Variants in CREB1 observed in about 807,000 individuals in gnomAD.
CREB1 encodes cyclic AMP-responsive element-binding protein 1.
CREB1 carries 2 observed loss-of-function variants against 42.0 expected under a neutral mutation model. The ratio of observed to expected loss-of-function variants is 0.05; its 90% CI spans 0.02 to 0.15. CREB1 has a LOEUF of 0.15. CREB1 is among the 10% of genes least tolerant of loss of function. The probability of loss-of-function intolerance (pLI) is 1.00; values close to 1 mark genes in which losing one functional copy is unlikely to be tolerated. For missense variants in CREB1, 199 were observed against 388.9 expected (o/e 0.51, Z 4.11); for synonymous variants, 123 against 139.9 (o/e 0.88, Z 0.85).
intron 4 of CREB1, among the ~76,000 whole-genome samples, chr2:207,568,809 G>A (rs938335577): frequency 6.6e-6 from 1 of 151,926 alleles, no homozygotes; most frequent in Non-Finnish European, 1.5e-5. Flanking sequence ...TTCCATTTTA[G>A]AGTTTCTCCA....
intron 1 of CREB1, among the ~76,000 whole-genome samples, chr2:207,540,534 C>T (rs2081051783): frequency 6.6e-6 from 1 of 151,810 alleles, no homozygotes; most frequent in Admixed American, 6.6e-5. Context: ...ATCCCTGCTA[C>T]TCACGAGGCC....
intron 1 of CREB1, among the ~76,000 whole-genome samples, chr2:207,545,721 AG>A (rs1464856446): frequency 7.0e-6 from 1 of 143,318 alleles, no homozygotes; most frequent in Non-Finnish European, 1.5e-5. Flanking sequence ...TACAGATTAA[AG>A]GAAGTGAACT....
chr2:207,532,325 GA>G (rs1244936579), intron 1 of CREB1, among the ~76,000 whole-genome samples: 1,475 of 117,086 alleles, frequency 0.013, 9 homozygotes, highest in African/African-American at 0.016. Flanking sequence ...CCGTCTCAAA[GA>G]AAAAAAAAAA....
intron 7 of CREB1, among the ~76,000 whole-genome samples, chr2:207,587,148 CT>C (rs1287793839): frequency 6.6e-6 from 1 of 152,140 alleles, no homozygotes; most frequent in Non-Finnish European, 1.5e-5. Flanking sequence ...AATCCCAGCA[CT>C]TTGGGAGGCC....
intron 7 of CREB1, among the ~76,000 whole-genome samples, chr2:207,594,251 C>T (rs1455853738): frequency 2.0e-5 from 3 of 151,750 alleles, no homozygotes; most frequent in Non-Finnish European, 4.4e-5. Flanking sequence ...ACAAAATTGA[C>T]CATCTTAATG....
Position 207,597,420 on chromosome 2 carries a change from T to G in CREB1, c.*362T>G, listed in dbSNP as rs1429414565. 2 of 249,372 alleles carry G rather than the reference T, an allele frequency of 8.0e-6. No homozygotes were observed. Among genetic ancestry groups the G allele is most frequent in the Non-Finnish European group, 1.5e-5 (2 of 129,904 alleles). 15.4% of individuals were successfully genotyped at this position (249,372 alleles called of 1,614,324 possible). ...CAAGGTTTGTGCTGAGCTCCTTGAT[T>G]GCCTTAGGGACAGAATTACCCCAGC... On this transcript the variant is annotated 3_prime_UTR_variant, in exon 8 of 8. Coordinates refer to ENST00000353267, the MANE Select transcript of CREB1 (RefSeq NM_004379.5).
At chr2:207,582,928 T>TATAC (rs1346268387) in intron 7 of CREB1, 1 of 255,786 alleles carries the variant, frequency 3.9e-6, no homozygotes, top group Non-Finnish European at 7.8e-6. Context: ...AATATATATA[T>TATAC]ATACATACAC....
In CREB1 at chr2:207,604,675, C is replaced by T. The variant is rs188266883; in HGVS notation, c.*7617C>T. On this transcript the variant is annotated 3_prime_UTR_variant, in exon 8 of 8. Coordinates refer to ENST00000353267, the MANE Select transcript of CREB1 (RefSeq NM_004379.5). ...GTACATCCACAATGGTGTACAACCACCACTTCTATCTAGCTCCAAAACATT... is the reference window on the plus strand; with the variant it reads ...GTACATCCACAATGGTGTACAACCATCACTTCTATCTAGCTCCAAAACATT... Among the ~76,000 whole-genome samples the T allele has an allele frequency of 0.012, 1,882 of 152,292 alleles. 19 individuals are homozygous for T. The highest frequency in any genetic ancestry group is 0.019 in the Non-Finnish European group (1,305 of 68,022).
At chr2:207,575,572 C>T in intron 6 of CREB1, 118 bp downstream of exon 6, 3 of 848,288 alleles carry the variant, frequency 3.5e-6, no homozygotes, top group Non-Finnish European at 5.3e-6. Flanking sequence ...GTTAACATTT[C>T]TTCAATATTG....
chr2:207,596,634 T>C (rs2086225193), intron 7 of CREB1, among the ~76,000 whole-genome samples: 1 of 152,222 alleles, frequency 6.6e-6, no homozygotes, highest in African/African-American at 2.4e-5. Flanking sequence ...GGTTTCATCA[T>C]GTTGGCCAGG....
chr2:207,554,733 T>A (rs2081646525), intron 1 of CREB1, among the ~76,000 whole-genome samples: 1 of 152,170 alleles, frequency 6.6e-6, no homozygotes, highest in African/African-American at 2.4e-5. Context: ...TTACCCAGAA[T>A]TTTACAATTA....
rs191720781 is a variant in CREB1 at position 207,604,241 on chromosome 2, A to G, written c.*7183A>G. Among the ~76,000 whole-genome samples, 82 of 152,326 alleles carry G rather than the reference A, an allele frequency of 5.4e-4. No individual in the cohort carries two copies. The highest frequency in any genetic ancestry group is 1.9e-3 in the African/African-American group (79 of 41,572). ...TCCTTGAGAAGTCACATCCAAAGAT[A>G]AAATTCTGATCCATTTCTAGTTTTA... On this transcript the variant is annotated 3_prime_UTR_variant, in exon 8 of 8. Transcript: ENST00000353267.
In CREB1 at chr2:207,577,602, A is replaced by G. The variant is rs909285314; in HGVS notation, c.786A>G (p.Thr262=). ...TGGCATCCTCCCCAGCACTTCCTACACAGCCTGCTGAAGAAGCAGCACGAA... is the reference window on the plus strand; with the variant it reads ...TGGCATCCTCCCCAGCACTTCCTACGCAGCCTGCTGAAGAAGCAGCACGAA... ...VVMASSPALP[T]QPAEEAARKR... The change falls in exon 7 of 8, where the codon ACA becomes ACG. Residue 262 remains threonine, a synonymous_variant. Coordinates refer to ENST00000353267, the MANE Select transcript of CREB1 (RefSeq NM_004379.5). The G allele has an allele frequency of 6.2e-6, 10 of 1,613,940 alleles. No homozygotes were observed. The highest frequency in any genetic ancestry group is 5.3e-5 in the African/African-American group (4 of 74,910).
intron 5 of CREB1, among the ~76,000 whole-genome samples, chr2:207,570,818 A>C (rs1313807670): frequency 6.6e-6 from 1 of 152,162 alleles, no homozygotes; most frequent in Non-Finnish European, 1.5e-5. Flanking sequence ...TTTTCATATG[A>C]AAGATAGTAA....
At chr2:207,560,948 C>T (rs1268518464) in intron 3 of CREB1, among the ~76,000 whole-genome samples, 1 of 152,046 alleles carries the variant, frequency 6.6e-6, no homozygotes, top group African/African-American at 2.4e-5. Flanking sequence ...TGGGTTTGAT[C>T]CACAGGTAAT....
Position 207,600,238 on chromosome 2 carries a change from C to CATATATATATAT in CREB1, c.*3194_*3205dup, listed in dbSNP as rs71036937. On this transcript the variant is annotated 3_prime_UTR_variant, in exon 8 of 8. Transcript: ENST00000353267. ...GTGGCATTTGTATAATATATGTGTA[C>CATATATATATAT]ATATATATATATATATATATATATA... 4.8e-5 allele frequency: 7 copies of CATATATATATAT among 145,178 alleles called. No individual in the cohort carries two copies. Among genetic ancestry groups the CATATATATATAT allele is most frequent in the Admixed American group, 7.2e-5 (1 of 13,810 alleles). 9.0% of individuals were successfully genotyped at this position (145,178 alleles called of 1,614,324 possible). A position where few individuals can be genotyped will look rare whatever the true frequency, so the allele number is the denominator to read the frequency against.
intron 1 of CREB1, among the ~76,000 whole-genome samples, chr2:207,530,388 G>C (rs1444097104): frequency 1.4e-5 from 2 of 147,700 alleles, no homozygotes; most frequent in African/African-American, 2.4e-5. Context: ...CTCATGGCGG[G>C]GGGCGGCGGG....
intron 2 of CREB1, among the ~76,000 whole-genome samples, chr2:207,556,908 G>A (rs1271081541): frequency 6.6e-6 from 1 of 152,016 alleles, no homozygotes; most frequent in Non-Finnish European, 1.5e-5. Flanking sequence ...AGGCTGAGGC[G>A]AGCGAATCAC....
chr2:207,599,208 C>T lies in CREB1; in HGVS notation c.*2150C>T, dbSNP rs537522286. ...AAAGTTTGATGTTTGTCCTGCTGAGCTAATGGGGAAAGTTATAGCATAAAA... is the reference window on the plus strand; with the variant it reads ...AAAGTTTGATGTTTGTCCTGCTGAGTTAATGGGGAAAGTTATAGCATAAAA... On this transcript the variant is annotated 3_prime_UTR_variant, in exon 8 of 8. Transcript: ENST00000353267. 32 of 197,756 alleles carry T rather than the reference C, an allele frequency of 1.6e-4. No homozygotes were observed. The highest frequency in any genetic ancestry group is 3.2e-4 in the East Asian group (4 of 12,514). 12.3% of individuals were successfully genotyped at this position (197,756 alleles called of 1,614,324 possible).
Sources: gnomAD v4.1 joint callset for allele counts (sites outside exome capture counted in the v4.1 genomes callset) on GRCh38, gnomAD v4.1.1 for gene constraint, MANE v1.5 for transcripts, NCBI Gene and HGNC (gene_info 2026-07-23, HGNC 2026-07-21) for gene names.